The following ADAM18 variants were observed in gnomAD, a reference collection of about 807,000 sequenced individuals.
ADAM18 encodes disintegrin and metalloproteinase domain-containing protein 18.
Under a neutral mutation model 94.4 loss-of-function variants are expected in ADAM18, and 117 were observed. The ratio of observed to expected loss-of-function variants is 1.24; its 90% CI spans 1.07 to 1.45. The LOEUF (loss-of-function observed/expected upper bound fraction) is 1.45. Among genes scored for constraint, ADAM18 ranks in the 40% most tolerant of loss-of-function variants. The pLI is 0.00. For synonymous variants in ADAM18, 327 were observed against 291.6 expected (o/e 1.12, Z -1.24); for missense variants, 936 against 880.0 (o/e 1.06, Z -0.81).
intron 18 of ADAM18, among the ~76,000 whole-genome samples, chr8:39,715,720 A>G (rs1417923339): frequency 1.3e-5 from 2 of 152,100 alleles, no homozygotes; most frequent in Non-Finnish European, 2.9e-5. Context: ...ATTGAACAAC[A>G]CAATAAAACA....
intron 10 of ADAM18, among the ~76,000 whole-genome samples, chr8:39,638,996 A>G (rs1820162734): frequency 6.6e-6 from 1 of 151,950 alleles, no homozygotes; most frequent in Non-Finnish European, 1.5e-5. Flanking sequence ...TTGTATATTG[A>G]TAAAACTGTT....
intron 7 of ADAM18, among the ~76,000 whole-genome samples, chr8:39,636,407 G>A (rs996864110): frequency 4.6e-5 from 7 of 151,916 alleles, no homozygotes; most frequent in African/African-American, 1.7e-4. Context: ...TGGCCATTTT[G>A]GCAAATGCCA....
chr8:39,631,382 G>A (rs939626771), intron 7 of ADAM18, among the ~76,000 whole-genome samples: 6 of 151,788 alleles, frequency 4.0e-5, no homozygotes, highest in South Asian at 4.1e-4. Context: ...ACGCTGTGAG[G>A]CAGGGTTCTC....
intron 16 of ADAM18, among the ~76,000 whole-genome samples, chr8:39,691,104 A>T (rs1220052600): frequency 2.0e-5 from 3 of 152,200 alleles, no homozygotes; most frequent in Non-Finnish European, 4.4e-5. Flanking sequence ...CAAGAACCAG[A>T]TGATATATAT....
chr8:39,598,767 C>CG (rs1818815367), intron 2 of ADAM18, among the ~76,000 whole-genome samples: 1 of 106,334 alleles, frequency 9.4e-6, no homozygotes, highest in African/African-American at 3.6e-5. Context: ...GACTCCGTCT[C>CG]AAAAAAAAAA....
At chr8:39,601,781 T>C (rs1818912044) in intron 2 of ADAM18, among the ~76,000 whole-genome samples, 1 of 152,214 alleles carries the variant, frequency 6.6e-6, no homozygotes, top group African/African-American at 2.4e-5. Context: ...TAGAATTTTT[T>C]TATATTGGAA....
chr8:39,668,835 G>A (rs1821067111), intron 14 of ADAM18, among the ~76,000 whole-genome samples: 1 of 152,136 alleles, frequency 6.6e-6, no homozygotes, highest in African/African-American at 2.4e-5. Flanking sequence ...TTATTTTCTA[G>A]TTGAGTAAAG....
intron 2 of ADAM18, among the ~76,000 whole-genome samples, chr8:39,592,543 C>T (rs1339776301): frequency 2.0e-5 from 3 of 152,072 alleles, no homozygotes; most frequent in South Asian, 2.1e-4. Context: ...GCTCTAGCAA[C>T]ATGGAGGAAC....
intron 12 of ADAM18, among the ~76,000 whole-genome samples, chr8:39,651,721 A>G (rs1183279853): frequency 6.6e-6 from 1 of 152,206 alleles, no homozygotes; most frequent in Non-Finnish European, 1.5e-5. Flanking sequence ...TTCTTTCTAC[A>G]TAGACACAGT....
At chr8:39,716,693 G>C (rs148249909) in intron 18 of ADAM18, among the ~76,000 whole-genome samples, 1 of 151,884 alleles carries the variant, frequency 6.6e-6, no homozygotes, top group Admixed American at 6.6e-5. Flanking sequence ...GGAATATTTC[G>C]TGTATGTATG....
At chr8:39,600,762 G>A (rs1818877336) in intron 2 of ADAM18, among the ~76,000 whole-genome samples, 1 of 152,184 alleles carries the variant, frequency 6.6e-6, no homozygotes, top group Non-Finnish European at 1.5e-5. Flanking sequence ...GGTGGGACAT[G>A]CACAACAGGA....
At chr8:39,645,573 G>A (rs1238064703) in intron 11 of ADAM18, 99 bp downstream of exon 11, 15 of 1,140,562 alleles carry the variant, frequency 1.3e-5, no homozygotes, top group Admixed American at 2.6e-5. Flanking sequence ...CCACATCAAT[G>A]GCTAGAAAGT....
chr8:39,700,446 C>G (rs115172305), intron 17 of ADAM18, among the ~76,000 whole-genome samples: 6 of 151,728 alleles, frequency 4.0e-5, no homozygotes, highest in Admixed American at 1.3e-4. Context: ...AAGCAATTCT[C>G]TCACTGAAAT....
rs572573442 is a variant in ADAM18, at chr8:39,692,504, T to A, written c.1822-96T>A. ...TTAATATTACTAAAAGTCTTTCAAC[T>A]TAAGCATCTCTTATACATATATAGA... On this transcript the variant is annotated intron_variant, in intron 16 of 19. Coordinates refer to ENST00000265707, the MANE Select transcript of ADAM18 (RefSeq NM_014237.3). 4 of 529,566 alleles carry A rather than the reference T, an allele frequency of 7.6e-6. No individual in the cohort carries two copies. The East Asian group carries it at 1.4e-4, about 18-fold the overall frequency. The allele number at this position is 529,566 out of a possible 1,614,324, so 32.8% of individuals were successfully genotyped here. A position where few individuals can be genotyped will look rare whatever the true frequency, so the allele number is the denominator to read the frequency against.
intron 6 of ADAM18, among the ~76,000 whole-genome samples, chr8:39,625,942 T>C (rs955447083): frequency 1.3e-5 from 2 of 152,166 alleles, no homozygotes; most frequent in African/African-American, 4.8e-5. Flanking sequence ...TTGCTGAGGA[T>C]TTTTGCGTCT....
intron 14 of ADAM18, among the ~76,000 whole-genome samples, chr8:39,669,476 C>G (rs1348499393): frequency 8.7e-6 from 1 of 115,098 alleles, no homozygotes; most frequent in African/African-American, 3.2e-5. Context: ...CCCCCCACCC[C>G]ACAACAGTCC....
chr8:39,694,686 C>T (rs1283411098), intron 17 of ADAM18, among the ~76,000 whole-genome samples: 1 of 151,452 alleles, frequency 6.6e-6, no homozygotes, highest in Non-Finnish European at 1.5e-5. Flanking sequence ...TCTGCTCCCT[C>T]TCCCTCTCTG....
At position 39,606,342 on chromosome 8, in the gene ADAM18, C is replaced by T; in HGVS notation, c.168C>T (p.Tyr56=). The T allele has an allele frequency of 6.4e-7, 1 of 1,559,250 alleles. No homozygotes were observed. The highest frequency in any genetic ancestry group is 8.7e-7 in the Non-Finnish European group (1 of 1,146,732). ...TCATTACAATTGATGGACAACCTTA[C>T]ACTCTACATCTCGGAAAACAGTAAG... is the stretch of plus-strand genomic sequence containing the variant. The part of the protein sequence containing the change: ...IYIITIDGQP[Y]TLHLGKQSFL... The change falls in exon 3 of 20, where the codon TAC becomes TAT. Residue 56 remains tyrosine (Y), a synonymous_variant. Coordinates refer to ENST00000265707, the MANE Select transcript of ADAM18 (RefSeq NM_014237.3).
At chr8:39,616,667 A>G (rs899478923) in intron 6 of ADAM18, among the ~76,000 whole-genome samples, 2 of 152,212 alleles carry the variant, frequency 1.3e-5, no homozygotes, top group Admixed American at 6.5e-5. Context: ...GTAGAAAAAC[A>G]GAAACATAGA....
Sources: allele counts gnomAD v4.1 joint callset (sites outside exome capture counted in the v4.1 genomes callset), GRCh38; gene constraint gnomAD v4.1.1; transcripts MANE v1.5; gene names NCBI Gene and HGNC (gene_info 2026-07-23, HGNC 2026-07-21).